The following DOCK7 variants were observed in gnomAD, a reference collection of about 807,000 sequenced individuals.
DOCK7 encodes the protein dedicator of cytokinesis protein 7.
Under a neutral mutation model 271.0 loss-of-function variants are expected in DOCK7, and 138 were observed. That is an observed-to-expected ratio of 0.51 (90% confidence interval 0.44 to 0.59). DOCK7 has a LOEUF of 0.59. Ranked by LOEUF, DOCK7 falls within the 20% of genes least tolerant of loss-of-function variation. DOCK7 has a pLI of 0.00. For synonymous variants in DOCK7, 823 were observed against 876.1 expected (o/e 0.94, Z 1.07); for missense variants, 2,066 against 2,592.4 (o/e 0.80, Z 4.41).
chr1:62,546,081 C>A (rs1359203815), intron 22 of DOCK7, among the ~76,000 whole-genome samples: 1 of 152,032 alleles, frequency 6.6e-6, no homozygotes, highest in Admixed American at 6.6e-5. Context: ...CAGACCCAAA[C>A]CAGAAACCAC....
chr1:62,528,173 C>A lies in DOCK7; in HGVS notation c.3914G>T (p.Gly1305Val). ...TACCGTTGACGTGAGGAGGAAACTG[C>A]CAGGCCTTGTTAGTTGAGGGACCGA... ...GTSVPQLTRP[G>V]SFLLTSTSGR... Residue 1305 changes from glycine (G) to valine (V), a missense_variant, in exon 31 of 50, where the codon GGC becomes GTC. Coordinates refer to ENST00000635253, the MANE Select transcript of DOCK7 (RefSeq NM_001367561.1). 1 of 1,612,176 alleles carries A rather than the reference C, an allele frequency of 6.2e-7. No homozygotes were observed. The highest frequency in any genetic ancestry group is 8.5e-7 in the Non-Finnish European group (1 of 1,179,226).
Position 62,636,593 on chromosome 1 carries a change from C to A in DOCK7, c.829G>T (p.Glu277Ter). 1.3e-6 allele frequency: 2 copies of A among 1,598,504 alleles called. No individual in the cohort carries two copies. The highest frequency in any genetic ancestry group is 2.3e-5 in the South Asian group (2 of 88,688). The stretch of plus-strand genomic sequence containing the variant: ...AAACTTGCAAAAATGGGTTCAATTT[C>A]AATTTCAAACCTTTATGAAGAAAAA... ...VKCLSLKFEI[E>*]IEPIFASLAL... The change falls in exon 8 of 50, where the codon GAA (glutamate) becomes TAA (stop). Residue 277 changes from glutamate to a stop codon, truncating the protein, a stop_gained. Coordinates refer to ENST00000635253, the MANE Select transcript of DOCK7 (RefSeq NM_001367561.1). LOFTEE classifies it high-confidence loss of function.
intron 18 of DOCK7, among the ~76,000 whole-genome samples, chr1:62,572,234 C>T (rs892768228): frequency 6.6e-6 from 1 of 152,116 alleles, no homozygotes; most frequent in African/African-American, 2.4e-5. Context: ...TAGGTAATTT[C>T]GATTCATGCT....
intron 29 of DOCK7, among the ~76,000 whole-genome samples, chr1:62,532,523 CAG>C (rs1433460099): frequency 2.0e-5 from 3 of 152,066 alleles, no homozygotes. Flanking sequence ...TTGGTACAGA[CAG>C]GGTCTCACTA....
intron 27 of DOCK7, among the ~76,000 whole-genome samples, chr1:62,538,397 C>A (rs1251618112): frequency 6.6e-6 from 1 of 152,150 alleles, no homozygotes; most frequent in Non-Finnish European, 1.5e-5. Flanking sequence ...ATTATCAATT[C>A]TTTTTATAGC....
intron 18 of DOCK7, among the ~76,000 whole-genome samples, chr1:62,570,362 T>C (rs1276993665): frequency 6.6e-6 from 1 of 152,152 alleles, no homozygotes; most frequent in East Asian, 1.9e-4. Context: ...GAAGGACCTC[T>C]TCAAGGAGAA....
intron 7 of DOCK7, among the ~76,000 whole-genome samples, chr1:62,646,338 G>A (rs1656659998): frequency 6.6e-6 from 1 of 152,100 alleles, no homozygotes; most frequent in Non-Finnish European, 1.5e-5. Context: ...CAGGTGCTGA[G>A]GAAAAGAGAG....
intron 43 of DOCK7, chr1:62,485,147 T>A (rs908579653): frequency 2.0e-6 from 2 of 984,952 alleles, no homozygotes; most frequent in Admixed American, 6.2e-5. Context: ...TAAACAAAAA[T>A]TTTAAAAGAC....
At chr1:62,661,661 T>C (rs1445905916) in intron 2 of DOCK7, among the ~76,000 whole-genome samples, 2 of 152,110 alleles carry the variant, frequency 1.3e-5, no homozygotes, top group African/African-American at 4.8e-5. Flanking sequence ...ACTAATTCAA[T>C]GGGTTCATGG....
At chr1:62,544,613 C>T (rs913216420) in intron 23 of DOCK7, among the ~76,000 whole-genome samples, 12 of 151,960 alleles carry the variant, frequency 7.9e-5, no homozygotes, top group South Asian at 2.1e-4. Flanking sequence ...TTTTCCTCCA[C>T]GTAAAAAATT....
intron 10 of DOCK7, among the ~76,000 whole-genome samples, chr1:62,632,956 G>A (rs994023382): frequency 1.3e-5 from 2 of 151,752 alleles, no homozygotes; most frequent in Non-Finnish European, 2.9e-5. Context: ...CAGCTTGGGT[G>A]ACAGAGCAAG....
intron 14 of DOCK7, among the ~76,000 whole-genome samples, chr1:62,616,126 T>C (rs1179366295): frequency 6.6e-6 from 1 of 151,758 alleles, no homozygotes; most frequent in Non-Finnish European, 1.5e-5. Context: ...CCTTAAATCA[T>C]TTGATGTATG....
intron 1 of DOCK7, among the ~76,000 whole-genome samples, chr1:62,666,342 A>G (rs1171220959): frequency 3.9e-5 from 6 of 152,212 alleles, no homozygotes; most frequent in African/African-American, 1.4e-4. Flanking sequence ...AAAAAGAGGC[A>G]ATCTTTTGTT....
chr1:62,670,956 C>T (rs901680761), intron 1 of DOCK7, among the ~76,000 whole-genome samples: 1 of 152,270 alleles, frequency 6.6e-6, no homozygotes, highest in South Asian at 2.1e-4. Flanking sequence ...CTGTAACACT[C>T]CCCGCGAAGA....
At chr1:62,537,745 A>G (rs1645393377) in intron 28 of DOCK7, 146 bp downstream of exon 28, 1 of 700,830 alleles carries the variant, frequency 1.4e-6, no homozygotes, top group Non-Finnish European at 2.2e-6. Flanking sequence ...TATTCTGAGG[A>G]TTAAATGACT....
Position 62,499,311 on chromosome 1 carries a change from T to TA in DOCK7, c.4765-2815dup, listed in dbSNP as rs561879572. On this transcript the variant is annotated intron_variant, in intron 37 of 49. Coordinates refer to ENST00000635253, the MANE Select transcript of DOCK7 (RefSeq NM_001367561.1). ...TTAAGACAGAAGACTTCCCTTCCAG[T>TA]AAAAAAAGGACAGTATGAGATAGCA... Among the ~76,000 whole-genome samples the TA allele has an allele frequency of 3.9e-5, 6 of 152,056 alleles. No homozygotes were observed. The East Asian group carries it at 9.7e-4, about 24-fold the overall frequency.
intron 22 of DOCK7, among the ~76,000 whole-genome samples, chr1:62,551,064 C>T (rs1157419951): frequency 6.6e-6 from 1 of 151,846 alleles, no homozygotes; most frequent in Non-Finnish European, 1.5e-5. Flanking sequence ...ATTAAGCTGG[C>T]TAAGGAAGAA....
At chr1:62,665,781 C>T (rs1659245186) in intron 1 of DOCK7, among the ~76,000 whole-genome samples, 2 of 151,182 alleles carry the variant, frequency 1.3e-5, no homozygotes, top group African/African-American at 2.4e-5. Context: ...TGCTACTCAC[C>T]TCACTCTACC....
chr1:62,656,440 G>A (rs1248361821), intron 2 of DOCK7, among the ~76,000 whole-genome samples: 3 of 152,112 alleles, frequency 2.0e-5, no homozygotes, highest in Non-Finnish European at 4.4e-5. Context: ...AAGAAGTCCT[G>A]TATCTCAATA....
Sources: gnomAD v4.1 joint callset for allele counts (sites outside exome capture counted in the v4.1 genomes callset) on GRCh38, gnomAD v4.1.1 for gene constraint, MANE v1.5 for transcripts, NCBI Gene and HGNC (gene_info 2026-07-23, HGNC 2026-07-21) for gene names.